TFB2M: variants seen among roughly 807,000 people sequenced by gnomAD.
The protein encoded by TFB2M is transcription factor B2, mitochondrial.
Under a neutral mutation model 41.3 loss-of-function variants are expected in TFB2M, and 44 were observed. The observed-to-expected ratio is 1.07, with a 90% CI of 0.84 to 1.37. TFB2M has a LOEUF of 1.37. Among genes scored for constraint, TFB2M ranks in the 40% most tolerant of loss-of-function variants. The probability of loss-of-function intolerance (pLI) is 0.00; values close to 1 mark genes in which losing one functional copy is unlikely to be tolerated. For synonymous variants in TFB2M, 188 were observed against 176.8 expected, an observed-to-expected ratio of 1.06 and a Z score of -0.50; for missense variants, 496 against 490.2, an observed-to-expected ratio of 1.01 and a Z score of -0.11.
At chr1:246,551,333 A>G in intron 4 of TFB2M, 31 bp from the exon 5 acceptor site, 1 of 1,437,386 alleles carries the variant, frequency 7.0e-7, no homozygotes, top group Non-Finnish European at 9.8e-7. Flanking sequence ...ATTACATGTT[A>G]TACACATCTA....
intron 6 of TFB2M, among the ~76,000 whole-genome samples, chr1:246,544,893 T>C (rs145791855): frequency 0.012 from 1,865 of 152,176 alleles, 45 homozygotes; most frequent in African/African-American, 0.042. Flanking sequence ...GAAAGCTCCA[T>C]CTCCCGGGTT....
rs574293959 is a variant in TFB2M, at chr1:246,548,468, C to G, written c.858+77G>C. 139 of 1,280,578 alleles carry G rather than the reference C, an allele frequency of 1.1e-4. 1 individual carries two copies. In the South Asian group the frequency reaches 1.8e-3, roughly 17 times the overall value. 79.3% of individuals were successfully genotyped at this position (1,280,578 alleles called of 1,614,324 possible). A position where few individuals can be genotyped will look rare whatever the true frequency, so the allele number is the denominator to read the frequency against. On this transcript the variant is annotated intron_variant, in intron 6 of 7. Transcript: ENST00000366514. ...AAATTAAAAAGTTAAATACAGACTA[C>G]CAAATAGTCCTAAAAAAATAAAATA... is the stretch of plus-strand genomic sequence containing the variant.
rs535971602 is a variant in TFB2M at position 246,547,068 on chromosome 1, C to G, written c.858+1477G>C. On this transcript the variant is annotated intron_variant, in intron 6 of 7. Transcript: ENST00000366514. The stretch of plus-strand genomic sequence containing the variant: ...GCATAGTCTCAGCTCACTGCAAACT[C>G]TGCCTCCCAGGTTCAACTGATTCTC... Among the ~76,000 whole-genome samples, 5 of 150,636 alleles carry G rather than the reference C, an allele frequency of 3.3e-5. No homozygotes were observed. In the South Asian group the frequency reaches 1.0e-3, roughly 31 times the overall value.
At chr1:246,545,491 G>A (rs941251644) in intron 6 of TFB2M, among the ~76,000 whole-genome samples, 10 of 151,920 alleles carry the variant, frequency 6.6e-5, no homozygotes, top group African/African-American at 2.4e-4. Context: ...CTCAAGGCTG[G>A]TTGACAGAGC....
chr1:246,557,128 A>T (rs1464323115), intron 3 of TFB2M, among the ~76,000 whole-genome samples: 2 of 152,088 alleles, frequency 1.3e-5, no homozygotes, highest in Admixed American at 6.5e-5. Context: ...ACAAAAAAAT[A>T]ACCAGGTGTG....
intron 1 of TFB2M, among the ~76,000 whole-genome samples, chr1:246,565,235 A>C (rs1423809202): frequency 1.3e-5 from 2 of 152,268 alleles, no homozygotes; most frequent in African/African-American, 4.8e-5. Context: ...GAAGAATAAG[A>C]TAACATCATT....
chr1:246,551,706 C>T (rs899659814), intron 4 of TFB2M, among the ~76,000 whole-genome samples: 1 of 152,052 alleles, frequency 6.6e-6, no homozygotes, highest in African/African-American at 2.4e-5. Context: ...AACAACAACA[C>T]ACAAGTGTTA....
chr1:246,565,408 A>T (rs1659599462), intron 1 of TFB2M, among the ~76,000 whole-genome samples: 1 of 152,190 alleles, frequency 6.6e-6, no homozygotes, highest in African/African-American at 2.4e-5. Context: ...CCAACTAAGG[A>T]GCTTCAAACA....
At position 246,541,044 on chromosome 1, in the gene TFB2M, A is replaced by T; in HGVS notation, c.1178T>A (p.Leu393Gln). The change falls in exon 8 of 8, where the codon CTG (leucine) becomes CAG (glutamine). Residue 393 changes from leucine to glutamine, a missense_variant. Transcript: ENST00000366514. ...ACAGTCTAGTTGCTACCTATCTTCC[A>T]GGGTTTCATCATACAGCCATTTATA... ...CAYKWLYDET[L>Q]EDR 6.2e-7 allele frequency: 1 copy of T among 1,611,094 alleles called. No individual in the cohort carries two copies.
chr1:246,548,855 T>C lies in TFB2M; in HGVS notation c.796-248A>G, dbSNP rs566682764. Among the ~76,000 whole-genome samples the C allele has an allele frequency of 1.8e-4, 28 of 152,352 alleles. No homozygotes were observed. The South Asian group carries it at 5.2e-3, about 28-fold the overall frequency. On this transcript the variant is annotated intron_variant, in intron 5 of 7. Transcript: ENST00000366514. ...TTATTAAACATGACTTCGCCTGTTA[T>C]GCAATTACGCAAATAAGTATTTGTT... is the stretch of plus-strand genomic sequence containing the variant.
chr1:246,548,507 G>A lies in TFB2M; in HGVS notation c.858+38C>T, dbSNP rs751563647. 39 of 1,544,964 alleles carry A rather than the reference G, an allele frequency of 2.5e-5. No homozygotes were observed. The Middle Eastern group carries it at 5.1e-4, about 20-fold the overall frequency. On this transcript the variant is annotated intron_variant, in intron 6 of 7. Transcript: ENST00000366514. Reference sequence around the variant, plus strand: ...AAAAATAAAATAAAAAATACGTCACGTAGGGAGAAAAAGGAAAAGGTATTA... The same window carrying A: ...AAAAATAAAATAAAAAATACGTCACATAGGGAGAAAAAGGAAAAGGTATTA...
At chr1:246,558,132 T>A (rs1034890052) in intron 2 of TFB2M, among the ~76,000 whole-genome samples, 2 of 147,904 alleles carry the variant, frequency 1.4e-5, no homozygotes, top group Non-Finnish European at 3.0e-5. Context: ...AAATAAACTA[T>A]CATAAATTTT....
At chr1:246,551,565 CA>C (rs1487663231) in intron 4 of TFB2M, among the ~76,000 whole-genome samples, 1 of 152,116 alleles carries the variant, frequency 6.6e-6, no homozygotes, top group African/African-American at 2.4e-5. Context: ...AGCACTCCGG[CA>C]GGGGCAACGG....
intron 2 of TFB2M, among the ~76,000 whole-genome samples, chr1:246,560,323 A>G (rs1659425552): frequency 1.3e-5 from 2 of 152,166 alleles, no homozygotes; most frequent in African/African-American, 4.8e-5. Context: ...GGAGTTTGAG[A>G]CCAGCCTGGA....
At chr1:246,554,623 T>C (rs562741114) in intron 4 of TFB2M, among the ~76,000 whole-genome samples, 4 of 152,308 alleles carry the variant, frequency 2.6e-5, no homozygotes, top group Non-Finnish European at 5.9e-5. Context: ...CCACTGATTC[T>C]ACATTATGGT....
rs554823779 is a variant in TFB2M at position 246,565,884 on chromosome 1, C to T, written c.255G>A (p.Ala85=). 3 of 1,611,328 alleles carry T rather than the reference C, an allele frequency of 1.9e-6. No homozygotes were observed. Among genetic ancestry groups the T allele is most frequent in the South Asian group, 2.2e-5 (2 of 91,068 alleles). Reference sequence around the variant, plus strand: ...TACTTGGTTTTCCCAAATAGATTTGCGCCAGGGTCTCAGCCAATCTCCGAT... The same window carrying T: ...TACTTGGTTTTCCCAAATAGATTTGTGCCAGGGTCTCAGCCAATCTCCGAT... The part of the protein sequence containing the change: ...VTDRRLAETL[A]QIYLGKPSRP... The change falls in exon 1 of 8, where the codon GCG becomes GCA. Residue 85 remains alanine (A), a synonymous_variant. Transcript: ENST00000366514.
In TFB2M at chr1:246,541,206, C is replaced by T. The variant is rs1658845809; in HGVS notation, c.1020-4G>A. On this transcript the variant is annotated splice_region_variant and splice_polypyrimidine_tract_variant and intron_variant, in intron 7 of 7. Coordinates refer to ENST00000366514, the MANE Select transcript of TFB2M (RefSeq NM_022366.3). ...CGCATCAAGTGGAGTCAATGAACTG[C>T]AAAAGAAATACAAAGTAAATGTACT... The T allele has an allele frequency of 2.5e-6, 4 of 1,612,054 alleles. No individual in the cohort carries two copies. The South Asian group carries it at 3.3e-5, about 13-fold the overall frequency.
At chr1:246,546,962 T>TACACACACACACACAC (rs1191913962) in intron 6 of TFB2M, among the ~76,000 whole-genome samples, 4 of 74,038 alleles carry the variant, frequency 5.4e-5, no homozygotes, top group African/African-American at 1.4e-4. Flanking sequence ...TATATATGTA[T>TACACACACACACACAC]ATATACACAC....
At chr1:246,556,184 C>G (rs1481864512) in intron 4 of TFB2M, among the ~76,000 whole-genome samples, 1 of 152,004 alleles carries the variant, frequency 6.6e-6, no homozygotes, top group Non-Finnish European at 1.5e-5. Flanking sequence ...AAGTGAAATA[C>G]GCCAGACACA....
Sources: gnomAD v4.1 joint callset for allele counts (sites outside exome capture counted in the v4.1 genomes callset) on GRCh38, gnomAD v4.1.1 for gene constraint, MANE v1.5 for transcripts, NCBI Gene and HGNC (gene_info 2026-07-23, HGNC 2026-07-21) for gene names.